Variants in KDM4C observed in about 807,000 individuals in gnomAD.
KDM4C encodes lysine-specific demethylase 4C.
Under a neutral mutation model 129.3 loss-of-function variants are expected in KDM4C, and 81 were observed. That is an observed-to-expected ratio of 0.63 (90% CI 0.52 to 0.75). The LOEUF (loss-of-function observed/expected upper bound fraction) is 0.75, where lower values mean the gene tolerates loss of function less well. Ranked by LOEUF, KDM4C falls within the 30% of genes least tolerant of loss-of-function variation. The probability of loss-of-function intolerance (pLI) is 0.00; values close to 1 mark genes in which losing one functional copy is unlikely to be tolerated. For synonymous variants in KDM4C, 573 were observed against 456.1 expected (o/e 1.26, Z -3.26); for missense variants, 1,457 against 1,304.0 (o/e 1.12, Z -1.81).
intron 5 of KDM4C, among the ~76,000 whole-genome samples, chr9:6,860,647 C>G (rs550026492): frequency 1.3e-5 from 2 of 152,310 alleles, no homozygotes; most frequent in East Asian, 1.9e-4. Context: ...TTTGCTAGGA[C>G]TGTGAGAAGA....
At chr9:7,165,934 G>A (rs11794514) in intron 20 of KDM4C, among the ~76,000 whole-genome samples, 23,770 of 152,226 alleles carry the variant, frequency 0.16, 2,008 homozygotes, top group Middle Eastern at 0.2. Flanking sequence ...GGAACCCTAC[G>A]TAGTATTAAA....
intron 1 of KDM4C, among the ~76,000 whole-genome samples, chr9:6,739,999 C>T (rs989689134): frequency 4.0e-5 from 6 of 151,880 alleles, no homozygotes; most frequent in Admixed American, 2.0e-4. Flanking sequence ...AAGTGATTCT[C>T]CTGCCTCAGT....
intron 15 of KDM4C, among the ~76,000 whole-genome samples, chr9:7,044,401 A>G (rs1199372778): frequency 6.6e-6 from 1 of 151,534 alleles, no homozygotes; most frequent in Non-Finnish European, 1.5e-5. Context: ...AGCATTAAAA[A>G]CCTTCTCTCA....
At chr9:7,016,240 G>T (rs1823649806) in intron 15 of KDM4C, among the ~76,000 whole-genome samples, 1 of 151,256 alleles carries the variant, frequency 6.6e-6, no homozygotes, top group African/African-American at 2.4e-5. Flanking sequence ...CCATTCTCCT[G>T]CCTCAGCCTC....
chr9:6,791,433 G>T (rs1035547795), intron 1 of KDM4C, among the ~76,000 whole-genome samples: 7 of 152,136 alleles, frequency 4.6e-5, no homozygotes, highest in Non-Finnish European at 8.8e-5. Context: ...ATTGAAGTTT[G>T]TTCAGCCTCT....
chr9:6,805,754 G>A lies in KDM4C; in HGVS notation c.300G>A (p.Arg100=). ...QKKAMTVKEF[R]QLANSGKYCT... is the part of the protein sequence containing the mutation. ...AAGCGATGACTGTGAAGGAGTTCAG[G>A]CAGCTGGCCAACAGTGGCAAGTGAG... is the stretch of plus-strand genomic sequence containing the variant. The change falls in exon 3 of 22, where the codon AGG becomes AGA. Residue 100 remains arginine, a synonymous_variant. Coordinates refer to ENST00000381309, the MANE Select transcript of KDM4C (RefSeq NM_015061.6). 6.2e-7 allele frequency: 1 copy of A among 1,612,552 alleles called. No homozygotes were observed. Among genetic ancestry groups the A allele is most frequent in the Non-Finnish European group, 8.5e-7 (1 of 1,179,606 alleles).
At chr9:6,882,169 A>G (rs2381512) in intron 6 of KDM4C, among the ~76,000 whole-genome samples, 94,454 of 152,064 alleles carry the variant, frequency 0.62, 29,797 homozygotes, top group East Asian at 0.88. Context: ...CCCATATTAT[A>G]TAGACATAAA....
intron 5 of KDM4C, among the ~76,000 whole-genome samples, chr9:6,870,457 A>G (rs1024350339): frequency 2.0e-5 from 3 of 152,040 alleles, no homozygotes; most frequent in African/African-American, 7.2e-5. Context: ...AGATGCCTGT[A>G]AGGAAGCTTT....
rs1330466614 is a variant in KDM4C at position 6,806,908 on chromosome 9, CTCTCCCTCTCCG to C, written c.320+1141_320+1152del. On this transcript the variant is annotated intron_variant, in intron 3 of 21. Coordinates refer to ENST00000381309, the MANE Select transcript of KDM4C (RefSeq NM_015061.6). The stretch of plus-strand genomic sequence containing the variant: ...CCTCTCCCTCTCCCTCTCCCTCTCC[CTCTCCCTCTCCG>C]TCTCCCCACGGTCTCCCTCTCATGC... 7.6e-5 allele frequency among the ~76,000 whole-genome samples: 11 copies of C among 144,986 alleles called. No homozygotes were observed. The South Asian group carries it at 2.3e-3, about 30-fold the overall frequency.
At chr9:6,810,419 C>T (rs766943321) in intron 3 of KDM4C, among the ~76,000 whole-genome samples, 19 of 152,018 alleles carry the variant, frequency 1.2e-4, no homozygotes, top group Non-Finnish European at 2.5e-4. Context: ...AATTTTTAGG[C>T]AAATTGTAAA....
chr9:6,868,778 C>CGCTTTA lies in KDM4C; in HGVS notation c.630-11233_630-11228dup, dbSNP rs139332278. ...GGAGGGCTGACTGTACTAGAAAAGT[C>CGCTTTA]GCTTTACTACTGCATGTATTATATG... On this transcript the variant is annotated intron_variant, in intron 5 of 21. Coordinates refer to ENST00000381309, the MANE Select transcript of KDM4C (RefSeq NM_015061.6). 2.4e-3 allele frequency among the ~76,000 whole-genome samples: 369 copies of CGCTTTA among 151,914 alleles called. 4 individuals are homozygous for CGCTTTA. The highest frequency in any genetic ancestry group is 4.9e-3 in the Admixed American group (74 of 15,228).
chr9:7,074,729 C>A (rs1190760420), intron 17 of KDM4C, among the ~76,000 whole-genome samples: 1 of 152,134 alleles, frequency 6.6e-6, no homozygotes, highest in African/African-American at 2.4e-5. Flanking sequence ...CCCTAAAGGA[C>A]TAGATCATTG....
At chr9:6,753,863 G>C (rs1381712793), upstream of KDM4C, among the ~76,000 whole-genome samples, 1 of 142,080 alleles carries the variant, frequency 7.0e-6, no homozygotes, top group Non-Finnish European at 1.5e-5. Flanking sequence ...TACTATCATT[G>C]AATTCTTTTT....
At chr9:6,912,767 G>T (rs10815480) in intron 8 of KDM4C, among the ~76,000 whole-genome samples, 69,413 of 151,994 alleles carry the variant, frequency 0.46, 16,209 homozygotes, top group Middle Eastern at 0.6. Flanking sequence ...ATTAGTGTCT[G>T]CTGAACTGAT....
At chr9:6,852,811 G>A (rs1366523483) in intron 5 of KDM4C, among the ~76,000 whole-genome samples, 1 of 151,966 alleles carries the variant, frequency 6.6e-6, no homozygotes, top group East Asian at 1.9e-4. Flanking sequence ...CCTTACTTAC[G>A]GGCCCATGCT....
At chr9:6,842,018 A>C (rs574971180) in intron 4 of KDM4C, among the ~76,000 whole-genome samples, 13 of 152,320 alleles carry the variant, frequency 8.5e-5, no homozygotes, top group African/African-American at 2.9e-4. Context: ...TGGAACAGAG[A>C]GATAAAACAT....
chr9:7,166,592 C>A (rs1844413683), intron 20 of KDM4C, among the ~76,000 whole-genome samples: 1 of 151,912 alleles, frequency 6.6e-6, no homozygotes, highest in Admixed American at 6.5e-5. Context: ...CAGAATTAGG[C>A]AAAAATTGCA....
chr9:6,870,449 A>T (rs1032819280), intron 5 of KDM4C, among the ~76,000 whole-genome samples: 1 of 152,016 alleles, frequency 6.6e-6, no homozygotes, highest in African/African-American at 2.4e-5. Flanking sequence ...GAGTGAAGAG[A>T]TGCCTGTAAG....
chr9:7,062,540 A>G (rs1050410242), intron 17 of KDM4C, among the ~76,000 whole-genome samples: 1 of 151,774 alleles, frequency 6.6e-6, no homozygotes, highest in Admixed American at 6.6e-5. Flanking sequence ...GGTTTGCACT[A>G]CTATTTCCAG....
Sources: gnomAD v4.1 joint callset for allele counts (sites outside exome capture counted in the v4.1 genomes callset) on GRCh38, gnomAD v4.1.1 for gene constraint, MANE v1.5 for transcripts, NCBI Gene and HGNC (gene_info 2026-07-23, HGNC 2026-07-21) for gene names.